DGLUCY: variants seen among roughly 807,000 people sequenced by gnomAD.
DGLUCY encodes the protein D-glutamate cyclase.
A neutral mutation model predicts 58.5 loss-of-function variants in DGLUCY; 58 were observed. The observed-to-expected ratio is 0.99, with a 90% CI of 0.80 to 1.23. DGLUCY has a LOEUF of 1.23. Among genes scored for constraint, DGLUCY ranks in the 50% most tolerant of loss-of-function variants. The probability of loss-of-function intolerance (pLI) is 0.00; values close to 1 mark genes in which losing one functional copy is unlikely to be tolerated. For synonymous variants in DGLUCY, 325 were observed against 314.1 expected, an observed-to-expected ratio of 1.03 and a Z score of -0.37; for missense variants, 779 against 784.7, an observed-to-expected ratio of 0.99 and a Z score of 0.09.
At chr14:91,143,088 GTTTTGT>G (rs1202339354) in intron 1 of DGLUCY, among the ~76,000 whole-genome samples, 2 of 143,930 alleles carry the variant, frequency 1.4e-5, no homozygotes, top group East Asian at 2.0e-4. Flanking sequence ...TTTTTGTTTT[GTTTTGT>G]TTTTGTTTTT....
Position 91,199,695 on chromosome 14 carries a change from AC to A in DGLUCY, c.1296-59del, listed in dbSNP as rs556561702. Reference sequence around the variant, plus strand: ...TTTCGCGCAAACACAAGAAGGCATGACCCAGCAAAGCAGCCACCTCTCCATA... The same window carrying A: ...TTTCGCGCAAACACAAGAAGGCATGACCAGCAAAGCAGCCACCTCTCCATA... On this transcript the variant is annotated intron_variant, in intron 10 of 13. Coordinates refer to ENST00000256324, the MANE Select transcript of DGLUCY (RefSeq NM_001102368.3). The A allele has an allele frequency of 7.8e-4, 1,229 of 1,574,460 alleles. 21 individuals are homozygous for A. In the South Asian group the frequency reaches 0.013, roughly 17 times the overall value.
intron 1 of DGLUCY, among the ~76,000 whole-genome samples, chr14:91,066,068 T>TGGGAA (rs1393235787): frequency 6.6e-6 from 1 of 152,156 alleles, no homozygotes; most frequent in Non-Finnish European, 1.5e-5. Flanking sequence ...TGAAAATATG[T>TGGGAA]TTCTTCCTCT....
chr14:91,219,138 C>A (rs1421591178), intron 13 of DGLUCY, among the ~76,000 whole-genome samples: 1 of 151,796 alleles, frequency 6.6e-6, no homozygotes, highest in African/African-American at 2.4e-5. Context: ...CATGATGACA[C>A]CACTGCACTC....
intron 1 of DGLUCY, among the ~76,000 whole-genome samples, chr14:91,087,926 G>A (rs940838672): frequency 1.3e-5 from 2 of 152,152 alleles, no homozygotes; most frequent in East Asian, 1.9e-4. Context: ...TTTCTAACAC[G>A]GGAAAGACAG....
intron 1 of DGLUCY, among the ~76,000 whole-genome samples, chr14:91,132,053 A>G (rs2046053755): frequency 6.6e-6 from 1 of 152,176 alleles, no homozygotes; most frequent in Non-Finnish European, 1.5e-5. Context: ...TTGGCCTCCC[A>G]AAGTGTTGGG....
rs564389608 is a variant in DGLUCY at position 91,165,785 on chromosome 14, C to T, written c.104-1440C>T. On this transcript the variant is annotated intron_variant, in intron 3 of 13. Transcript: ENST00000256324. ...CTGGTGCAAGTGTCAATTGGCACAACCACTTTGGAAAACTGCTTGGCAGTA... is the reference window on the plus strand; with the variant it reads ...CTGGTGCAAGTGTCAATTGGCACAATCACTTTGGAAAACTGCTTGGCAGTA... Among the ~76,000 whole-genome samples the T allele has an allele frequency of 7.4e-4, 113 of 152,302 alleles. No homozygotes were observed. The Middle Eastern group carries it at 0.01, about 14-fold the overall frequency.
chr14:91,081,894 C>T (rs2044133818), intron 1 of DGLUCY, among the ~76,000 whole-genome samples: 2 of 152,000 alleles, frequency 1.3e-5, no homozygotes, highest in African/African-American at 4.8e-5. Context: ...GTGCGTGCCA[C>T]CACTCCTGGC....
At chr14:91,062,067 A>C (rs2043703688) in intron 1 of DGLUCY, among the ~76,000 whole-genome samples, 1 of 152,210 alleles carries the variant, frequency 6.6e-6, no homozygotes, top group South Asian at 2.1e-4. Flanking sequence ...AGGATTTGCA[A>C]GCTGTATGAC....
intron 1 of DGLUCY, among the ~76,000 whole-genome samples, chr14:91,154,968 A>G (rs1316090194): frequency 6.6e-6 from 1 of 151,964 alleles, no homozygotes; most frequent in Non-Finnish European, 1.5e-5. Flanking sequence ...TGGTCCCCCC[A>G]GTACCTCCCT....
chr14:91,169,952 G>A, intron 4 of DGLUCY, 51 bp from the exon 5 acceptor site: 1 of 1,555,906 alleles, frequency 6.4e-7, no homozygotes, highest in Non-Finnish European at 8.8e-7. Flanking sequence ...GTATTATCAG[G>A]GGCCACAGTG....
chr14:91,167,904 T>C (rs1391920386), intron 4 of DGLUCY, among the ~76,000 whole-genome samples: 1 of 152,132 alleles, frequency 6.6e-6, no homozygotes, highest in Non-Finnish European at 1.5e-5. Context: ...TCCCCAACCC[T>C]GTCATCATCT....
intron 13 of DGLUCY, among the ~76,000 whole-genome samples, chr14:91,224,122 G>C (rs1297531228): frequency 2.0e-5 from 3 of 152,162 alleles, no homozygotes; most frequent in African/African-American, 7.2e-5. Flanking sequence ...GAGAAATGGG[G>C]GCCTTTGGCA....
intron 11 of DGLUCY, among the ~76,000 whole-genome samples, chr14:91,200,857 C>G (rs115946748): frequency 6.6e-6 from 1 of 151,806 alleles, no homozygotes; most frequent in Non-Finnish European, 1.5e-5. Flanking sequence ...AGCGAAGGGT[C>G]GTGGGATTAT....
At chr14:91,100,223 A>G (rs867835522) in intron 1 of DGLUCY, among the ~76,000 whole-genome samples, 1 of 152,184 alleles carries the variant, frequency 6.6e-6, no homozygotes, top group African/African-American at 2.4e-5. Flanking sequence ...GTGATCAGTT[A>G]TCTCCTCCGC....
chr14:91,096,837 G>T (rs1313511768), intron 1 of DGLUCY, among the ~76,000 whole-genome samples: 2 of 152,208 alleles, frequency 1.3e-5, no homozygotes, highest in Non-Finnish European at 2.9e-5. Flanking sequence ...GAGGGAGTGG[G>T]TCAGCTGTAG....
chr14:91,147,208 G>A (rs1008546624), intron 1 of DGLUCY, among the ~76,000 whole-genome samples: 4 of 152,186 alleles, frequency 2.6e-5, no homozygotes, highest in African/African-American at 9.7e-5. Flanking sequence ...CCATAGTTAG[G>A]AGTGCGTGGT....
At chr14:91,080,419 G>A (rs535030717) in intron 1 of DGLUCY, among the ~76,000 whole-genome samples, 63 of 152,260 alleles carry the variant, frequency 4.1e-4, no homozygotes, top group African/African-American at 1.5e-3. Context: ...TTGCCAGGCT[G>A]GAGTGAAATG....
chr14:91,165,962 G>A (rs550728175), intron 3 of DGLUCY, among the ~76,000 whole-genome samples: 2 of 152,210 alleles, frequency 1.3e-5, no homozygotes, highest in African/African-American at 4.8e-5. Flanking sequence ...TTAGCAATAG[G>A]ATTGGGTAAA....
chr14:91,176,415 G>A (rs929429582), intron 7 of DGLUCY, among the ~76,000 whole-genome samples: 17 of 151,900 alleles, frequency 1.1e-4, no homozygotes, highest in African/African-American at 3.4e-4. Context: ...TAGTAGAGAC[G>A]GGGTTTCACC....
Sources: gnomAD v4.1 joint callset for allele counts (sites outside exome capture counted in the v4.1 genomes callset) on GRCh38, gnomAD v4.1.1 for gene constraint, MANE v1.5 for transcripts, NCBI Gene and HGNC (gene_info 2026-07-23, HGNC 2026-07-21) for gene names.